Variants in FHIT observed in about 807,000 individuals in gnomAD.
FHIT encodes the protein bis(5'-adenosyl)-triphosphatase.
In FHIT, 19 loss-of-function variants were observed where a neutral mutation model predicts 17.9. That is an observed-to-expected ratio of 1.06 (90% CI 0.74 to 1.56). FHIT has a LOEUF of 1.56. FHIT is among the 40% of genes most tolerant of loss of function. The pLI, the probability that FHIT is intolerant of heterozygous loss-of-function variation, is 0.00. For missense variants in FHIT, 248 were observed against 189.2 expected, an observed-to-expected ratio of 1.31 and a Z score of -1.82; for synonymous variants, 81 against 69.7, an observed-to-expected ratio of 1.16 and a Z score of -0.81.
At chr3:60,635,651 T>A (rs1342374309) in intron 4 of FHIT, among the ~76,000 whole-genome samples, 1 of 152,214 alleles carries the variant, frequency 6.6e-6, no homozygotes, top group African/African-American at 2.4e-5. Context: ...CTTAGTATTT[T>A]CTTTTGACAG....
intron 5 of FHIT, among the ~76,000 whole-genome samples, chr3:60,155,998 G>A (rs905506140): frequency 2.6e-5 from 4 of 152,050 alleles, no homozygotes; most frequent in African/African-American, 9.7e-5. Flanking sequence ...CATTTTAATT[G>A]TTGCTTAGTA....
At chr3:60,645,804 C>A (rs1418160819) in intron 4 of FHIT, among the ~76,000 whole-genome samples, 1 of 152,186 alleles carries the variant, frequency 6.6e-6, no homozygotes, top group Non-Finnish European at 1.5e-5. Context: ...ATAAGAGCCT[C>A]AACACTCCCC....
chr3:59,857,525 G>A (rs1201792020), intron 8 of FHIT, among the ~76,000 whole-genome samples: 1 of 99,208 alleles, frequency 1.0e-5, no homozygotes, highest in Non-Finnish European at 1.9e-5. Flanking sequence ...ATTTTCATAG[G>A]ACAAGATTAT....
chr3:60,559,481 A>C (rs1003084381), intron 4 of FHIT, among the ~76,000 whole-genome samples: 2 of 152,178 alleles, frequency 1.3e-5, no homozygotes, highest in Non-Finnish European at 2.9e-5. Context: ...GCCTTGATGC[A>C]CTTTTCCAGC....
intron 8 of FHIT, among the ~76,000 whole-genome samples, chr3:59,862,602 G>C (rs73839538): frequency 1.3e-5 from 2 of 152,088 alleles, no homozygotes; most frequent in African/African-American, 4.8e-5. Flanking sequence ...TTATTGGCTG[G>C]GTATTTAAAT....
At chr3:59,755,212 CATGGGATGTCT>C in intron 8 of FHIT, among the ~76,000 whole-genome samples, 1 of 152,274 alleles carries the variant, frequency 6.6e-6, no homozygotes, top group Admixed American at 6.5e-5. Flanking sequence ...ATGCTCTGTC[CATGGGATGTCT>C]GGCCTACAAG....
At chr3:60,076,658 C>G (rs1459392803) in intron 5 of FHIT, among the ~76,000 whole-genome samples, 3 of 151,934 alleles carry the variant, frequency 2.0e-5, no homozygotes, top group African/African-American at 7.2e-5. Flanking sequence ...TGTCACCTAA[C>G]AGAGTGATAA....
intron 4 of FHIT, among the ~76,000 whole-genome samples, chr3:60,757,953 C>T (rs782096479): frequency 1.3e-5 from 2 of 152,178 alleles, no homozygotes; most frequent in Non-Finnish European, 2.9e-5. Flanking sequence ...CCTTTCCTCG[C>T]CTGTTGCCTG....
intron 5 of FHIT, among the ~76,000 whole-genome samples, chr3:60,290,770 C>G (rs1027559391): frequency 1.3e-5 from 2 of 152,032 alleles, no homozygotes; most frequent in African/African-American, 4.8e-5. Flanking sequence ...GAACTCATTT[C>G]CCTAGAGATA....
chr3:60,130,762 G>A (rs867770743), intron 5 of FHIT, among the ~76,000 whole-genome samples: 6 of 41,976 alleles, frequency 1.4e-4, no homozygotes, highest in African/African-American at 9.0e-4. Context: ...GTGTGTGTGT[G>A]TGTTTGTGTG....
At chr3:61,186,640 T>C (rs2038522631) in intron 2 of FHIT, among the ~76,000 whole-genome samples, 1 of 152,202 alleles carries the variant, frequency 6.6e-6, no homozygotes, top group African/African-American at 2.4e-5. Flanking sequence ...TGGTTAGTTT[T>C]TGAGGGTCAA....
chr3:61,041,876 T>C (rs1454617470), intron 3 of FHIT, among the ~76,000 whole-genome samples, 171 bp downstream of exon 3: 1 of 152,210 alleles, frequency 6.6e-6, no homozygotes, highest in Non-Finnish European at 1.5e-5. Context: ...TGTGTAGTTC[T>C]TGAAAGTATA....
intron 3 of FHIT, among the ~76,000 whole-genome samples, chr3:61,031,550 A>C (rs1270142818): frequency 1.3e-5 from 2 of 152,172 alleles, no homozygotes; most frequent in South Asian, 4.1e-4. Flanking sequence ...GAATTCATCT[A>C]CTCTAACATC....
intron 4 of FHIT, among the ~76,000 whole-genome samples, chr3:60,541,832 A>C (rs893945225): frequency 5.9e-5 from 9 of 152,252 alleles, no homozygotes; most frequent in African/African-American, 2.2e-4. Flanking sequence ...GAAGTCATGT[A>C]CCAGAAGTTT....
chr3:61,202,508 T>C (rs930744860), intron 1 of FHIT, among the ~76,000 whole-genome samples: 1 of 108,914 alleles, frequency 9.2e-6, no homozygotes, highest in African/African-American at 3.1e-5. Flanking sequence ...TACTTTTTCG[T>C]TAAAAAAAAA....
intron 7 of FHIT, among the ~76,000 whole-genome samples, chr3:59,962,475 G>C (rs565285863): frequency 6.6e-6 from 1 of 152,258 alleles, no homozygotes; most frequent in East Asian, 1.9e-4. Context: ...CTGAAAAGCA[G>C]AATGGCCTAA....
chr3:60,114,505 T>TTTTTTC (rs1704862474), intron 5 of FHIT, among the ~76,000 whole-genome samples: 1 of 134,220 alleles, frequency 7.5e-6, no homozygotes, highest in Non-Finnish European at 1.6e-5. Flanking sequence ...TTTTTTTTTT[T>TTTTTTC]TTTTTTTTGA....
At chr3:60,414,179 C>T (rs1559893888) in intron 5 of FHIT, among the ~76,000 whole-genome samples, 1 of 152,132 alleles carries the variant, frequency 6.6e-6, no homozygotes, top group Non-Finnish European at 1.5e-5. Flanking sequence ...ATTGGAATCA[C>T]ATGGAGGGCT....
chr3:60,061,794 C>T (rs1274140857), intron 5 of FHIT, among the ~76,000 whole-genome samples: 23 of 152,018 alleles, frequency 1.5e-4, no homozygotes, highest in Non-Finnish European at 1.5e-5. Context: ...GTGAATAGAT[C>T]ATATGAAAGG....
Sources: gnomAD v4.1 joint callset for allele counts (sites outside exome capture counted in the v4.1 genomes callset) on GRCh38, gnomAD v4.1.1 for gene constraint, MANE v1.5 for transcripts, NCBI Gene and HGNC (gene_info 2026-07-23, HGNC 2026-07-21) for gene names.